CENPF: variants seen among roughly 807,000 people sequenced by gnomAD.
CENPF encodes the protein AH antigen.
A neutral mutation model predicts 307.3 loss-of-function variants in CENPF; 214 were observed. That is an observed-to-expected ratio of 0.70 (90% CI 0.62 to 0.78). The LOEUF (loss-of-function observed/expected upper bound fraction) is 0.78, where lower values mean the gene tolerates loss of function less well. Ranked by LOEUF, CENPF falls within the 30% of genes least tolerant of loss-of-function variation. CENPF has a pLI of 0.00. For missense variants in CENPF, 3,401 were observed against 3,483.9 expected (o/e 0.98, Z 0.60); for synonymous variants, 1,259 against 1,270.6 (o/e 0.99, Z 0.19).
At chr1:214,650,953 AAAG>A (rs1658445430) in intron 14 of CENPF, among the ~76,000 whole-genome samples, 1 of 152,128 alleles carries the variant, frequency 6.6e-6, no homozygotes, top group African/African-American at 2.4e-5. Flanking sequence ...ACAAAAAACA[AAAG>A]AAGGAAGGAG....
In CENPF at chr1:214,650,279, A is replaced by G. The variant is rs140368891; in HGVS notation, c.7984-1431A>G. Among the ~76,000 whole-genome samples, 13 of 143,000 alleles carry G rather than the reference A, an allele frequency of 9.1e-5. No homozygotes were observed. In the East Asian group the frequency reaches 2.6e-3, roughly 29 times the overall value. 93.8% of individuals were successfully genotyped at this position (143,000 alleles called of 152,430 possible). On this transcript the variant is annotated intron_variant, in intron 14 of 19. Coordinates refer to ENST00000366955, the MANE Select transcript of CENPF (RefSeq NM_016343.4). Reference sequence around the variant, plus strand: ...AAAGATCTTTGTATTTTTTTTAGAAATTGAAAGGAAGCCATTGTGGCTGGA... The same window carrying G: ...AAAGATCTTTGTATTTTTTTTAGAAGTTGAAAGGAAGCCATTGTGGCTGGA...
At chr1:214,628,677 A>G (rs141574226) in intron 7 of CENPF, among the ~76,000 whole-genome samples, 1 of 152,214 alleles carries the variant, frequency 6.6e-6, no homozygotes, top group Non-Finnish European at 1.5e-5. Context: ...TTGTGGAAAG[A>G]AGCATTTTAA....
rs767338277 is a variant in CENPF, at chr1:214,632,597, A to T, written c.1441A>T (p.Met481Leu). Residue 481 changes from methionine (M) to leucine (L), a missense_variant, in exon 10 of 20, where the codon ATG becomes TTG. Met to Leu is a conservative substitution (Grantham distance 15, BLOSUM62 2). Coordinates refer to ENST00000366955, the MANE Select transcript of CENPF (RefSeq NM_016343.4). The stretch of plus-strand genomic sequence containing the variant: ...CAAGGAGAATGAGCTGAGGAGAAGC[A>T]TGGAGGTAAGGGAGGAGGATGCCGA... ...QIKENELRRSMEEMKKENNLL... is the reference protein window; with the variant it reads ...QIKENELRRSLEEMKKENNLL... The T allele has an allele frequency of 6.2e-7, 1 of 1,613,784 alleles. No individual in the cohort carries two copies. Among genetic ancestry groups the T allele is most frequent in the African/African-American group, 1.3e-5 (1 of 74,930 alleles).
At chr1:214,614,272 A>G (rs573544144) in intron 2 of CENPF, among the ~76,000 whole-genome samples, 18 of 152,254 alleles carry the variant, frequency 1.2e-4, no homozygotes, top group African/African-American at 1.9e-4. Flanking sequence ...GCAACAAGGC[A>G]AAAGGTGTCT....
intron 1 of CENPF, among the ~76,000 whole-genome samples, chr1:214,609,021 A>AAGCCGAGCCCCAGGG (rs1211561834): frequency 1.3e-5 from 2 of 151,734 alleles, no homozygotes; most frequent in East Asian, 3.9e-4. Flanking sequence ...ATCGCGGTCC[A>AAGCCGAGCCCCAGGG]AGCCGAGCCC....
intron 14 of CENPF, 33 bp downstream of exon 14, chr1:214,648,860 C>T: frequency 6.2e-7 from 1 of 1,603,214 alleles, no homozygotes; most frequent in Non-Finnish European, 8.5e-7. Flanking sequence ...TTATTATGAT[C>T]TGTTAATTCA....
At chr1:214,608,920 G>C in intron 1 of CENPF, 4 of 1,352,822 alleles carry the variant, frequency 3.0e-6, no homozygotes, top group Non-Finnish European at 9.5e-7. Flanking sequence ...GGGGAGGGGT[G>C]GGGGTGCTCC....
intron 7 of CENPF, among the ~76,000 whole-genome samples, chr1:214,626,035 A>C (rs2666832): frequency 0.011 from 1,749 of 152,280 alleles, 46 homozygotes; most frequent in African/African-American, 0.04. Flanking sequence ...ATATAAAATC[A>C]TTGCTAAGCC....
rs138983504 is a variant in CENPF at position 214,640,258 on chromosome 1, G to T, written c.1920G>T (p.Leu640Phe). 1.2e-6 allele frequency: 2 copies of T among 1,613,486 alleles called. No homozygotes were observed. Among genetic ancestry groups the T allele is most frequent in the Non-Finnish European group, 1.7e-6 (2 of 1,179,918 alleles). Residue 640 changes from leucine to phenylalanine, a missense_variant, in exon 12 of 20, where the codon TTG (leucine) becomes TTT (phenylalanine). By Grantham distance (22) the Leu-to-Phe change is conservative. Coordinates refer to ENST00000366955, the MANE Select transcript of CENPF (RefSeq NM_016343.4). ...AGATGGAATCAGAAAAGGAAAACTT[G>T]CAGAGTAAAATTAATCACTTGGAAA... ...LTQMESEKEN[L>F]QSKINHLETC... is the part of the protein sequence containing the mutation.
chr1:214,641,007 A>G lies in CENPF; in HGVS notation c.2669A>G (p.Glu890Gly). The change falls in exon 12 of 20, where the codon GAA becomes GGA. Residue 890 changes from glutamate (E) to glycine (G), a missense_variant. Coordinates refer to ENST00000366955, the MANE Select transcript of CENPF (RefSeq NM_016343.4). ...AGTCAGCGCATTAGTAAGTTACAGG[A>G]AGACACTTCTGCTCACCAGAATGTT... ...ETSQRISKLQ[E>G]DTSAHQNVVA... The G allele has an allele frequency of 6.3e-7, 1 of 1,581,240 alleles. No homozygotes were observed. The highest frequency in any genetic ancestry group is 1.9e-5 in the Admixed American group (1 of 51,444).
At position 214,613,732 on chromosome 1, in the gene CENPF, A is replaced by C; in HGVS notation, c.-23A>C. 5 of 1,566,090 alleles carry C rather than the reference A, an allele frequency of 3.2e-6. No homozygotes were observed. Among genetic ancestry groups the C allele is most frequent in the Non-Finnish European group, 4.3e-6 (5 of 1,158,890 alleles). ...TTTTCAGTTTATTTACAAATGTTGG[A>C]GTAATAAAGAAGGCAGAACAAAATG... is the stretch of plus-strand genomic sequence containing the variant. On this transcript the variant is annotated 5_prime_UTR_variant, in exon 2 of 20. Transcript: ENST00000366955.
At chr1:214,644,388 T>C (rs547440536) in intron 12 of CENPF, among the ~76,000 whole-genome samples, 169 bp from the exon 13 acceptor site, 3 of 152,362 alleles carry the variant, frequency 2.0e-5, no homozygotes, top group African/African-American at 7.2e-5. Flanking sequence ...CGTATAAGTA[T>C]GTTGAACATT....
intron 10 of CENPF, among the ~76,000 whole-genome samples, chr1:214,634,335 C>T (rs1657899071): frequency 6.6e-6 from 1 of 152,150 alleles, no homozygotes; most frequent in Non-Finnish European, 1.5e-5. Context: ...TTGTGTTTTG[C>T]ATTGGGATTG....
Position 214,642,674 on chromosome 1 carries a change from A to C in CENPF, c.4336A>C (p.Asn1446His). Reference sequence around the variant, plus strand: ...CTATGTTGACTCATTAAAGGCCGAAAATTTGGTCTTGTCAACGAATCTGAG... The same window carrying C: ...CTATGTTGACTCATTAAAGGCCGAACATTTGGTCTTGTCAACGAATCTGAG... ...QTYVDSLKAE[N>H]LVLSTNLRNF... The change falls in exon 12 of 20, where the codon AAT (asparagine) becomes CAT (histidine). Residue 1446 changes from asparagine (N) to histidine (H), a missense_variant. By Grantham distance (68) the Asn-to-His change is moderately conservative. Coordinates refer to ENST00000366955, the MANE Select transcript of CENPF (RefSeq NM_016343.4). The C allele has an allele frequency of 1.2e-6, 2 of 1,614,102 alleles. No individual in the cohort carries two copies. Among genetic ancestry groups the C allele is most frequent in the Non-Finnish European group, 1.7e-6 (2 of 1,180,010 alleles).
rs77570585 is a variant in CENPF at position 214,664,326 on chromosome 1, C to A, written c.*532C>A. 1 of 153,428 alleles carries A rather than the reference C, an allele frequency of 6.5e-6. No homozygotes were observed. Among genetic ancestry groups the A allele is most frequent in the Non-Finnish European group, 1.5e-5 (1 of 68,960 alleles). The allele number at this position is 153,428 out of a possible 1,614,324, so 9.5% of individuals were successfully genotyped here. A position where few individuals can be genotyped will look rare whatever the true frequency, so the allele number is the denominator to read the frequency against. ...TATACATGTAGGAGTGTTTATCTTT[C>A]TCTTACAATCTGTTTTAGACATCTT... On this transcript the variant is annotated 3_prime_UTR_variant, in exon 20 of 20. Transcript: ENST00000366955.
chr1:214,645,745 G>A lies in CENPF; in HGVS notation c.6175G>A (p.Ala2059Thr), dbSNP rs898966408. 1.9e-6 allele frequency: 3 copies of A among 1,614,170 alleles called. No individual in the cohort carries two copies. Among genetic ancestry groups the A allele is most frequent in the Non-Finnish European group, 2.5e-6 (3 of 1,180,038 alleles). Residue 2059 changes from alanine to threonine, a missense_variant, in exon 13 of 20, where the codon GCA becomes ACA. By Grantham distance (58) the Ala-to-Thr change is moderately conservative. Transcript: ENST00000366955. Reference sequence around the variant, plus strand: ...AAAATGTGAGCTGGAAAACCAAATTGCACAACTGAATAAAGAGAAAGAATT... The same window carrying A: ...AAAATGTGAGCTGGAAAACCAAATTACACAACTGAATAAAGAGAAAGAATT... ...LTKCELENQIAQLNKEKELLV... is the reference protein window; with the variant it reads ...LTKCELENQITQLNKEKELLV...
intron 1 of CENPF, chr1:214,608,350 G>A: frequency 6.2e-7 from 1 of 1,610,566 alleles, no homozygotes; most frequent in South Asian, 1.1e-5. Flanking sequence ...GTCGATGTCG[G>A]CATAGAGGTT....
chr1:214,649,014 CAAG>C (rs1658391756), intron 14 of CENPF, among the ~76,000 whole-genome samples, 187 bp downstream of exon 14: 1 of 152,298 alleles, frequency 6.6e-6, no homozygotes, highest in Admixed American at 6.5e-5. Context: ...CAGGAGCCCA[CAAG>C]GAGTCGTGAG....
chr1:214,644,749 C>T lies in CENPF; in HGVS notation c.5179C>T (p.Pro1727Ser), dbSNP rs960133641. The T allele has an allele frequency of 6.2e-7, 1 of 1,613,798 alleles. No individual in the cohort carries two copies. Among genetic ancestry groups the T allele is most frequent in the Non-Finnish European group, 8.5e-7 (1 of 1,179,922 alleles). Residue 1727 changes from proline to serine, a missense_variant, in exon 13 of 20, where the codon CCA becomes TCA. Transcript: ENST00000366955. ...AGGAGAGTGCTCTGGGGAACAGTCCCCAGATACCAATTATGAGCCTCCAGG... is the reference window on the plus strand; with the variant it reads ...AGGAGAGTGCTCTGGGGAACAGTCCTCAGATACCAATTATGAGCCTCCAGG... ...PTGECSGEQSPDTNYEPPGED... is the reference protein window; with the variant it reads ...PTGECSGEQSSDTNYEPPGED...
Sources: gnomAD v4.1 joint callset for allele counts (sites outside exome capture counted in the v4.1 genomes callset) on GRCh38, gnomAD v4.1.1 for gene constraint, MANE v1.5 for transcripts, NCBI Gene and HGNC (gene_info 2026-07-23, HGNC 2026-07-21) for gene names.